Variants in SUFU observed in about 807,000 individuals in gnomAD.
SUFU encodes suppressor of fused homolog.
SUFU carries 7 observed loss-of-function variants against 58.9 expected under a neutral mutation model. That is an observed-to-expected ratio of 0.12 (90% CI 0.07 to 0.22). The LOEUF is 0.22. Ranked by LOEUF, SUFU falls within the 10% of genes least tolerant of loss-of-function variation. The probability of loss-of-function intolerance (pLI) is 1.00; values close to 1 mark genes in which losing one functional copy is unlikely to be tolerated. For synonymous variants in SUFU, 232 were observed against 254.8 expected, an observed-to-expected ratio of 0.91 and a Z score of 0.85; for missense variants, 451 against 641.3, an observed-to-expected ratio of 0.70 and a Z score of 3.20.
chr10:102,537,740 C>T (rs1409747533), intron 2 of SUFU, among the ~76,000 whole-genome samples: 1 of 152,166 alleles, frequency 6.6e-6, no homozygotes, highest in African/African-American at 2.4e-5. Flanking sequence ...GAATTTTCTT[C>T]CTTTTTAAAG....
intron 9 of SUFU, among the ~76,000 whole-genome samples, chr10:102,615,673 C>G (rs1449759511): frequency 6.6e-6 from 1 of 152,206 alleles, no homozygotes; most frequent in Non-Finnish European, 1.5e-5. Context: ...TGTGAACCAG[C>G]CAGTCGCCCC....
Position 102,535,330 on chromosome 10 carries a change from C to CA in SUFU, c.318-14634dup, listed in dbSNP as rs2062724622. ...AGAAACCTCGTCTCTACTAAAAATA[C>CA]AAAAAATGAGCCGGGCATGGTGGCA... On this transcript the variant is annotated intron_variant, in intron 2 of 11. Transcript: ENST00000369902. 2.0e-5 allele frequency among the ~76,000 whole-genome samples: 3 copies of CA among 151,806 alleles called. No individual in the cohort carries two copies. In the South Asian group the frequency reaches 6.3e-4, roughly 32 times the overall value.
chr10:102,599,555 C>T lies in SUFU; in HGVS notation c.1022+11C>T. On this transcript the variant is annotated intron_variant, in intron 8 of 11. Transcript: ENST00000369902. ...CCACGACCGGGCCCCGTAAGTTCCC[C>T]AGTGTCCCTGGGCTGGAACAAGAGG... 6.2e-7 allele frequency: 1 copy of T among 1,612,276 alleles called. No homozygotes were observed. Among genetic ancestry groups the T allele is most frequent in the South Asian group, 1.1e-5 (1 of 91,038 alleles).
chr10:102,546,055 T>C (rs1009540491), intron 2 of SUFU, among the ~76,000 whole-genome samples: 5 of 152,350 alleles, frequency 3.3e-5, no homozygotes, highest in Middle Eastern at 3.4e-3. Flanking sequence ...CACTGATACC[T>C]TCTTAGTGAG....
intron 2 of SUFU, among the ~76,000 whole-genome samples, chr10:102,540,233 T>C (rs1196012005): frequency 6.6e-6 from 1 of 152,076 alleles, no homozygotes; most frequent in Non-Finnish European, 1.5e-5. Flanking sequence ...GCTCTTGGAG[T>C]GTCACTGCTC....
At chr10:102,566,498 G>T (rs2063090951) in intron 3 of SUFU, among the ~76,000 whole-genome samples, 1 of 152,012 alleles carries the variant, frequency 6.6e-6, no homozygotes, top group African/African-American at 2.4e-5. Context: ...AGGCGCGGTA[G>T]CTCACGCCTA....
chr10:102,530,019 CTG>C (rs2062658800), intron 2 of SUFU, among the ~76,000 whole-genome samples: 1 of 152,056 alleles, frequency 6.6e-6, no homozygotes, highest in East Asian at 1.9e-4. Flanking sequence ...GTGCCAGACA[CTG>C]TGCTGTCACA....
At chr10:102,531,082 CAAAA>C (rs5787463) in intron 2 of SUFU, among the ~76,000 whole-genome samples, 35 of 95,390 alleles carry the variant, frequency 3.7e-4, no homozygotes, top group African/African-American at 1.2e-3. Context: ...CCATTTCTAC[CAAAA>C]AAAAAAAAAA....
intron 9 of SUFU, among the ~76,000 whole-genome samples, chr10:102,616,117 C>T (rs1419704967): frequency 6.6e-6 from 1 of 152,112 alleles, no homozygotes; most frequent in African/African-American, 2.4e-5. Context: ...GTTCTAAAAC[C>T]TAGTGGCCAG....
At chr10:102,509,068 C>G in intron 1 of SUFU, 101 bp from the exon 2 acceptor site, 1 of 1,546,478 alleles carries the variant, frequency 6.5e-7, no homozygotes, top group Non-Finnish European at 8.9e-7. Flanking sequence ...ACCCAGGTTC[C>G]TCCAGGATGG....
chr10:102,557,929 CT>C (rs992069203), intron 3 of SUFU, among the ~76,000 whole-genome samples: 1 of 151,222 alleles, frequency 6.6e-6, no homozygotes, highest in African/African-American at 2.4e-5. Flanking sequence ...GAGACGGAGT[CT>C]TGTTCTGTTG....
At chr10:102,580,029 A>ACCCCCCCCCCCCCCCC in intron 3 of SUFU, among the ~76,000 whole-genome samples, 1 of 84,664 alleles carries the variant, frequency 1.2e-5, no homozygotes. Context: ...CCTCCCCCGC[A>ACCCCCCCCCCCCCCCC]CCCCCCCCCC....
chr10:102,561,249 A>G (rs2135773100), intron 3 of SUFU, among the ~76,000 whole-genome samples: 1 of 152,364 alleles, frequency 6.6e-6, no homozygotes, highest in African/African-American at 2.4e-5. Flanking sequence ...GGATTTTTAA[A>G]GTGAGGAGGA....
At chr10:102,510,193 C>T (rs2062382729) in intron 2 of SUFU, among the ~76,000 whole-genome samples, 1 of 151,542 alleles carries the variant, frequency 6.6e-6, no homozygotes, top group South Asian at 2.1e-4. Flanking sequence ...GCAATTATAT[C>T]ATGTACTCCA....
At chr10:102,561,169 T>C (rs1390769468) in intron 3 of SUFU, among the ~76,000 whole-genome samples, 1 of 152,194 alleles carries the variant, frequency 6.6e-6, no homozygotes, top group Non-Finnish European at 1.5e-5. Flanking sequence ...TCAGGATAAA[T>C]TCCTTTAAAT....
intron 3 of SUFU, among the ~76,000 whole-genome samples, chr10:102,568,094 T>G (rs1300579380): frequency 7.8e-6 from 1 of 128,732 alleles, no homozygotes; most frequent in Non-Finnish European, 1.7e-5. Context: ...CAAACAAATA[T>G]AACATTATTG....
At chr10:102,597,372 G>A (rs1444762255) in intron 7 of SUFU, 79 bp downstream of exon 7, 10 of 1,519,580 alleles carry the variant, frequency 6.6e-6, no homozygotes, top group Admixed American at 2.1e-5. Context: ...TCTCTAGGAT[G>A]GGTCTCTAAC....
At chr10:102,547,741 A>G (rs1251035530) in intron 2 of SUFU, among the ~76,000 whole-genome samples, 7 of 152,122 alleles carry the variant, frequency 4.6e-5, no homozygotes, top group African/African-American at 1.7e-4. Flanking sequence ...AGGATTGCCT[A>G]AGACCGGGAG....
At position 102,632,068 on chromosome 10, in the gene SUFU, C is replaced by T; in HGVS notation, c.*1913C>T. ...TCCATTCCTTGCCACCATGACCAGCCTCTCCCTGAACTCTCTCTTGCTCGG... is the reference window on the plus strand; with the variant it reads ...TCCATTCCTTGCCACCATGACCAGCTTCTCCCTGAACTCTCTCTTGCTCGG... On this transcript the variant is annotated 3_prime_UTR_variant, in exon 12 of 12. Coordinates refer to ENST00000369902, the MANE Select transcript of SUFU (RefSeq NM_016169.4). 4.3e-6 allele frequency: 1 copy of T among 233,428 alleles called. No homozygotes were observed. The highest frequency in any genetic ancestry group is 8.5e-6 in the Non-Finnish European group (1 of 118,154). 14.5% of individuals were successfully genotyped at this position (233,428 alleles called of 1,614,324 possible).
Sources: allele counts gnomAD v4.1 joint callset (sites outside exome capture counted in the v4.1 genomes callset), GRCh38; gene constraint gnomAD v4.1.1; transcripts MANE v1.5; gene names NCBI Gene and HGNC (gene_info 2026-07-23, HGNC 2026-07-21).